Variants in OGFOD3 observed in about 807,000 individuals in gnomAD.
OGFOD3 encodes 2-oxoglutarate and iron dependent oxygenase domain containing 3, also known as 2-oxoglutarate and iron-dependent oxygenase domain-containing protein 3.
OGFOD3 carries 35 observed loss-of-function variants against 39.8 expected under a neutral mutation model. The observed-to-expected ratio is 0.88, with a 90% confidence interval of 0.67 to 1.17. OGFOD3 has a LOEUF of 1.17. OGFOD3 is among the 50% of genes most tolerant of loss of function. OGFOD3 has a pLI of 0.00. For missense variants in OGFOD3, 438 were observed against 454.5 expected (o/e 0.96, Z 0.33); for synonymous variants, 200 against 192.0 (o/e 1.04, Z -0.34).
intron 5 of OGFOD3, among the ~76,000 whole-genome samples, chr17:82,405,604 C>G (rs2052843118): frequency 6.6e-6 from 1 of 152,230 alleles, no homozygotes. Context: ...CACCTGAGGT[C>G]AGGAATTCGA....
intron 8 of OGFOD3, among the ~76,000 whole-genome samples, chr17:82,395,204 G>GT (rs373660134): frequency 2.5e-4 from 38 of 152,156 alleles, no homozygotes; most frequent in African/African-American, 8.4e-4. Flanking sequence ...GCTGCTTTTT[G>GT]TATTTTTTGT....
intron 7 of OGFOD3, 24 bp from the exon 8 acceptor site, chr17:82,398,343 G>A (rs1256855339): frequency 6.2e-7 from 1 of 1,613,618 alleles, no homozygotes; most frequent in South Asian, 1.1e-5. Context: ...CGGGAGGAGG[G>A]GGCAGAATGG....
chr17:82,409,937 G>A (rs890483784), intron 3 of OGFOD3, among the ~76,000 whole-genome samples: 2 of 152,190 alleles, frequency 1.3e-5, no homozygotes, highest in East Asian at 3.9e-4. Flanking sequence ...GAGAAAGGGA[G>A]GGCTGGGCTT....
intron 8 of OGFOD3, chr17:82,394,492 G>C: frequency 1.9e-6 from 3 of 1,613,744 alleles, no homozygotes; most frequent in Non-Finnish European, 2.5e-6. Flanking sequence ...ACTGGCTCTC[G>C]GTCCATTAAC....
In OGFOD3 at chr17:82,418,498, CCG is replaced by C; in HGVS notation, c.-15_-14del. 7.3e-7 allele frequency: 1 copy of C among 1,371,986 alleles called. No individual in the cohort carries two copies. The highest frequency in any genetic ancestry group is 1.6e-5 in the South Asian group (1 of 62,814). The allele number at this position is 1,371,986 out of a possible 1,614,324, so 85.0% of individuals were successfully genotyped here. A position where few individuals can be genotyped will look rare whatever the true frequency, so the allele number is the denominator to read the frequency against. On this transcript the variant is annotated 5_prime_UTR_variant, in exon 1 of 9. Coordinates refer to ENST00000313056, the MANE Select transcript of OGFOD3 (RefSeq NM_024648.3). ...GCTGAGGAGCCATCGGACCAGGCCG[CCG>C]CGGAGCCGGGCCGGACGCGGGCGCC...
chr17:82,398,302 G>T lies in OGFOD3; in HGVS notation c.717C>A (p.Phe239Leu). ...AHVDKVTYGS[F>L]DYTSLLYLSN... ...AGAGGTACAGCAGCGAGGTGTAGTC[G>T]AAGGAGCCGTAGGTCACCTGAGGGC... Residue 239 changes from phenylalanine (F) to leucine (L), a missense_variant, in exon 8 of 9, where the codon TTC becomes TTA. Coordinates refer to ENST00000313056, the MANE Select transcript of OGFOD3 (RefSeq NM_024648.3). 6.2e-7 allele frequency: 1 copy of T among 1,613,982 alleles called. No homozygotes were observed. The highest frequency in any genetic ancestry group is 8.5e-7 in the Non-Finnish European group (1 of 1,179,952).
intron 1 of OGFOD3, 116 bp downstream of exon 1, chr17:82,418,296 C>A (rs1398480114): frequency 3.8e-5 from 2 of 52,750 alleles, no homozygotes; most frequent in African/African-American, 3.1e-4. Context: ...GCCCACCTGC[C>A]CCCCCCCACC....
At chr17:82,411,266 C>T (rs958888304) in intron 3 of OGFOD3, among the ~76,000 whole-genome samples, 189 bp downstream of exon 3, 2 of 152,068 alleles carry the variant, frequency 1.3e-5, no homozygotes, top group Non-Finnish European at 2.9e-5. Context: ...AGGCTGGTCT[C>T]GAACTCCTGA....
At position 82,392,992 on chromosome 17, in the gene OGFOD3, C is replaced by A. The variant is rs891484128; in HGVS notation, c.824-458G>T. 1 of 157,274 alleles carries A rather than the reference C, an allele frequency of 6.4e-6. No individual in the cohort carries two copies. The highest frequency in any genetic ancestry group is 1.4e-5 in the Non-Finnish European group (1 of 71,410). 9.7% of individuals were successfully genotyped at this position (157,274 alleles called of 1,614,324 possible). ...AAGAATCAGGAAAGACAAGATAAAA[C>A]ATCCAACTCGCAAACACCTCTCTGT... is the stretch of plus-strand genomic sequence containing the variant. On this transcript the variant is annotated intron_variant, in intron 8 of 8. Coordinates refer to ENST00000313056, the MANE Select transcript of OGFOD3 (RefSeq NM_024648.3). The surrounding 1 kb of genome is among the most constrained non-coding windows in gnomAD (Gnocchi z 4.2).
At position 82,398,286 on chromosome 17, in the gene OGFOD3, G is replaced by A. The variant is rs777220590; in HGVS notation, c.733C>T (p.Leu245=). Residue 245 remains leucine, a synonymous_variant, in exon 8 of 9, where the codon CTG becomes TTG. Transcript: ENST00000313056. The part of the protein sequence containing the change: ...TYGSFDYTSL[L]YLSNYLEDFG... ...TCCTCCAGGTAGTTGGAGAGGTACA[G>A]CAGCGAGGTGTAGTCGAAGGAGCCG... is the stretch of plus-strand genomic sequence containing the variant. The A allele has an allele frequency of 6.2e-6, 10 of 1,614,074 alleles. No homozygotes were observed. The highest frequency in any genetic ancestry group is 4.0e-5 in the African/African-American group (3 of 74,946).
intron 8 of OGFOD3, chr17:82,394,217 C>T: frequency 1.4e-6 from 1 of 734,246 alleles, no homozygotes; most frequent in Non-Finnish European, 2.2e-6. Context: ...GTCTCGATCT[C>T]CTGACCTCAT....
Position 82,398,301 on chromosome 17 carries a change from C to G in OGFOD3, c.718G>C (p.Asp240His). ...HVDKVTYGSF[D>H]YTSLLYLSNY... ...GAGAGGTACAGCAGCGAGGTGTAGTCGAAGGAGCCGTAGGTCACCTGAGGG... is the reference window on the plus strand; with the variant it reads ...GAGAGGTACAGCAGCGAGGTGTAGTGGAAGGAGCCGTAGGTCACCTGAGGG... Residue 240 changes from aspartate to histidine, a missense_variant, in exon 8 of 9, where the codon GAC (aspartate) becomes CAC (histidine). By Grantham distance (81) the Asp-to-His change is moderately conservative (BLOSUM62 -1). Coordinates refer to ENST00000313056, the MANE Select transcript of OGFOD3 (RefSeq NM_024648.3). 3 of 1,613,838 alleles carry G rather than the reference C, an allele frequency of 1.9e-6. No homozygotes were observed. Among genetic ancestry groups the G allele is most frequent in the Non-Finnish European group, 2.5e-6 (3 of 1,179,914 alleles).
At position 82,406,294 on chromosome 17, in the gene OGFOD3, C is replaced by CT; in HGVS notation, c.488+123dup. 5.8e-6 allele frequency: 5 copies of CT among 860,932 alleles called. No individual in the cohort carries two copies. The highest frequency in any genetic ancestry group is 1.4e-5 in the South Asian group (1 of 69,626). The allele number at this position is 860,932 out of a possible 1,614,324, so 53.3% of individuals were successfully genotyped here. On this transcript the variant is annotated intron_variant, in intron 5 of 8. Coordinates refer to ENST00000313056, the MANE Select transcript of OGFOD3 (RefSeq NM_024648.3). This position sits in a 1 kb window ranked among gnomAD's most constrained non-coding sequence, Gnocchi z 5.2. ...GGCCAACATCACAGCCACTGAGGCC[C>CT]TGAGGCTGCACCGAGCCGGATCCTC...
At chr17:82,396,804 G>C (rs2052680003) in intron 8 of OGFOD3, 1 of 152,242 alleles carries the variant, frequency 6.6e-6, no homozygotes, top group Non-Finnish European at 1.5e-5. Context: ...TGCTTGCAGA[G>C]GCTGGACGTC....
intron 1 of OGFOD3, 39 bp downstream of exon 1, chr17:82,418,373 C>A (rs779875532): frequency 4.2e-6 from 6 of 1,418,568 alleles, no homozygotes; most frequent in African/African-American, 1.5e-5. Context: ...TGGCCCTGTC[C>A]GCCGCCGCAG....
chr17:82,394,147 G>A (rs1053875603), intron 8 of OGFOD3, among the ~76,000 whole-genome samples: 3 of 151,830 alleles, frequency 2.0e-5, no homozygotes, highest in South Asian at 2.1e-4. Flanking sequence ...CCGCCACCAC[G>A]CCCAGCTAAT....
chr17:82,392,300 T>C lies in OGFOD3; in HGVS notation c.*98A>G. 2.3e-6 allele frequency: 3 copies of C among 1,318,138 alleles called. No homozygotes were observed. Among genetic ancestry groups the C allele is most frequent in the South Asian group, 2.8e-5 (2 of 71,448 alleles). 81.7% of individuals were successfully genotyped at this position (1,318,138 alleles called of 1,614,324 possible). ...CAAAATCAGAGAATTCCTAAGGCACTCTGTGCAACAGGAGCGGGTGGACGT... is the reference window on the plus strand; with the variant it reads ...CAAAATCAGAGAATTCCTAAGGCACCCTGTGCAACAGGAGCGGGTGGACGT... On this transcript the variant is annotated 3_prime_UTR_variant, in exon 9 of 9. Transcript: ENST00000313056. The surrounding 1 kb of genome is among the most constrained non-coding windows in gnomAD (Gnocchi z 4.2).
chr17:82,391,142 TG>T lies in OGFOD3; in HGVS notation c.*1255del, dbSNP rs760768244. On this transcript the variant is annotated 3_prime_UTR_variant, in exon 9 of 9. Transcript: ENST00000313056. The surrounding 1 kb of genome is among the most constrained non-coding windows in gnomAD (Gnocchi z 5.1). ...GGGCCCAGGGCTCTCCCCAGGCAGC[TG>T]GGTCAGGGCATCCAGGAGAGCCCAG... 9.0e-4 allele frequency: 138 copies of T among 153,574 alleles called. 2 individuals are homozygous for T. The highest frequency in any genetic ancestry group is 1.5e-3 in the Non-Finnish European group (101 of 68,892). The allele number at this position is 153,574 out of a possible 1,614,324, so 9.5% of individuals were successfully genotyped here.
rs543030654 is a variant in OGFOD3, at chr17:82,392,539, G to C, written c.824-5C>G. The C allele has an allele frequency of 6.3e-7, 1 of 1,577,332 alleles. No individual in the cohort carries two copies. Among genetic ancestry groups the C allele is most frequent in the Non-Finnish European group, 8.6e-7 (1 of 1,162,010 alleles). On this transcript the variant is annotated splice_polypyrimidine_tract_variant and splice_region_variant and intron_variant, in intron 8 of 8. Coordinates refer to ENST00000313056, the MANE Select transcript of OGFOD3 (RefSeq NM_024648.3). The surrounding 1 kb of genome is among the most constrained non-coding windows in gnomAD (Gnocchi z 4.2). ...AGGTGAAGAAGGAGACGCGACCTGG[G>C]AGAGGAGAAGAGAGAGAGGTGGCCA...
Sources: allele counts gnomAD v4.1 joint callset (sites outside exome capture counted in the v4.1 genomes callset), GRCh38; gene constraint gnomAD v4.1.1; non-coding constraint Gnocchi (gnomAD v3.1); transcripts MANE v1.5; gene names NCBI Gene and HGNC (gene_info 2026-07-23, HGNC 2026-07-21).